PLCB1: variants seen among roughly 807,000 people sequenced by gnomAD.
PLCB1 encodes 1-phosphatidylinositol 4,5-bisphosphate phosphodiesterase beta-1.
PLCB1 carries 46 observed loss-of-function variants against 161.8 expected under a neutral mutation model. The ratio of observed to expected loss-of-function variants is 0.28; its 90% CI spans 0.22 to 0.36. The LOEUF is 0.36. Among genes scored for constraint, PLCB1 ranks in the 10% least tolerant of loss-of-function variants. The probability of loss-of-function intolerance (pLI) is 1.00; values close to 1 mark genes in which losing one functional copy is unlikely to be tolerated. For missense variants in PLCB1, 1,016 were observed against 1,472.5 expected (o/e 0.69, Z 5.07); for synonymous variants, 517 against 503.7 (o/e 1.03, Z -0.35).
At chr20:8,819,618 C>T (rs1210398242) in intron 31 of PLCB1, among the ~76,000 whole-genome samples, 1 of 152,130 alleles carries the variant, frequency 6.6e-6, no homozygotes, top group African/African-American at 2.4e-5. Context: ...TAGTGTTATA[C>T]ATCATCCTTT....
intron 26 of PLCB1, among the ~76,000 whole-genome samples, chr20:8,771,366 C>T (rs1982667630): frequency 6.6e-6 from 1 of 152,048 alleles, no homozygotes; most frequent in East Asian, 1.9e-4. Context: ...AAGGGAATCA[C>T]ATATGTGGTT....
intron 3 of PLCB1, among the ~76,000 whole-genome samples, chr20:8,574,207 A>G (rs1287808743): frequency 6.6e-6 from 1 of 152,180 alleles, no homozygotes; most frequent in African/African-American, 2.4e-5. Context: ...GTTCAAGACC[A>G]ACCAATATGG....
At chr20:8,493,076 A>G (rs1055511452) in intron 3 of PLCB1, among the ~76,000 whole-genome samples, 7 of 152,086 alleles carry the variant, frequency 4.6e-5, no homozygotes, top group East Asian at 1.9e-4. Context: ...GCACCTCTCA[A>G]TGGGGACCCC....
At chr20:8,168,009 G>T (rs529274007) in intron 2 of PLCB1, among the ~76,000 whole-genome samples, 11 of 152,204 alleles carry the variant, frequency 7.2e-5, no homozygotes, top group Admixed American at 7.2e-4. Context: ...AGGCTGACTT[G>T]TATCTGTCCC....
intron 23 of PLCB1, among the ~76,000 whole-genome samples, chr20:8,748,470 A>C (rs1343460756): frequency 1.3e-5 from 2 of 152,182 alleles, no homozygotes; most frequent in East Asian, 3.8e-4. Context: ...GCTTTTACGA[A>C]TATCCTCCAT....
At position 8,578,714 on chromosome 20, in the gene PLCB1, G is replaced by C. The variant is rs189993022; in HGVS notation, c.247-49580G>C. ...ATTTAGTGTTTGTCCATTACCATTCGGGGTCATTACAAAAGAACTCAGCCT... is the reference window on the plus strand; with the variant it reads ...ATTTAGTGTTTGTCCATTACCATTCCGGGTCATTACAAAAGAACTCAGCCT... On this transcript the variant is annotated intron_variant, in intron 3 of 31. Coordinates refer to ENST00000338037, the MANE Select transcript of PLCB1 (RefSeq NM_015192.4). Among the ~76,000 whole-genome samples, 682 of 152,226 alleles carry C rather than the reference G, an allele frequency of 4.5e-3. 6 individuals are homozygous for C. Among genetic ancestry groups the C allele is most frequent in the African/African-American group, 0.013 (550 of 41,534 alleles).
At chr20:8,604,970 C>T (rs977980281) in intron 3 of PLCB1, among the ~76,000 whole-genome samples, 13 of 151,488 alleles carry the variant, frequency 8.6e-5, no homozygotes, top group African/African-American at 2.2e-4. Context: ...TTTAAAAAAC[C>T]CTAATCCTAT....
chr20:8,253,439 T>C (rs922573739), intron 2 of PLCB1, among the ~76,000 whole-genome samples: 1 of 151,958 alleles, frequency 6.6e-6, no homozygotes, highest in Non-Finnish European at 1.5e-5. Flanking sequence ...GAGACTGACA[T>C]ATTTATCCTC....
At chr20:8,548,841 G>A (rs1985667466) in intron 3 of PLCB1, among the ~76,000 whole-genome samples, 2 of 152,134 alleles carry the variant, frequency 1.3e-5, no homozygotes, top group South Asian at 4.1e-4. Context: ...ATAAGTTAAA[G>A]TGCTTTACTG....
intron 3 of PLCB1, among the ~76,000 whole-genome samples, chr20:8,559,925 C>T (rs531424005): frequency 6.6e-6 from 1 of 152,014 alleles, no homozygotes; most frequent in South Asian, 2.1e-4. Context: ...TCCTTCCTAC[C>T]TTTCTTTCTT....
chr20:8,465,120 C>A (rs1022734791), intron 3 of PLCB1, among the ~76,000 whole-genome samples: 1 of 151,936 alleles, frequency 6.6e-6, no homozygotes, highest in Non-Finnish European at 1.5e-5. Context: ...TATTTGTGCT[C>A]TTCTTATTCA....
chr20:8,840,549 A>G (rs532945710), intron 31 of PLCB1, among the ~76,000 whole-genome samples: 5 of 152,306 alleles, frequency 3.3e-5, no homozygotes, highest in Non-Finnish European at 7.4e-5. Context: ...GGCTTGAGCA[A>G]ATGGTCTCAG....
intron 23 of PLCB1, among the ~76,000 whole-genome samples, chr20:8,742,895 C>T (rs1198321389): frequency 6.6e-6 from 1 of 152,124 alleles, no homozygotes; most frequent in African/African-American, 2.4e-5. Context: ...GATTTTTGTA[C>T]ACTGATTTTT....
At chr20:8,273,248 A>G (rs568932722) in intron 2 of PLCB1, among the ~76,000 whole-genome samples, 6 of 152,232 alleles carry the variant, frequency 3.9e-5, no homozygotes, top group African/African-American at 1.4e-4. Flanking sequence ...AGCCTACCAA[A>G]TCTTGCATGT....
At chr20:8,419,346 G>C (rs559779332) in intron 3 of PLCB1, among the ~76,000 whole-genome samples, 1 of 152,158 alleles carries the variant, frequency 6.6e-6, no homozygotes, top group African/African-American at 2.4e-5. Flanking sequence ...CACTAGCCGA[G>C]GACAGACCAA....
intron 10 of PLCB1, among the ~76,000 whole-genome samples, chr20:8,696,978 T>C (rs8117982): frequency 0.084 from 12,725 of 152,212 alleles, 663 homozygotes; most frequent in African/African-American, 0.14. Context: ...CGTGATCCGC[T>C]CGCCTCAGCC....
At chr20:8,744,826 C>T (rs1004998914) in intron 23 of PLCB1, among the ~76,000 whole-genome samples, 1 of 151,776 alleles carries the variant, frequency 6.6e-6, no homozygotes, top group Non-Finnish European at 1.5e-5. Context: ...GACATAAGGC[C>T]TTTGAGGTTG....
In PLCB1 at chr20:8,834,811, A is replaced by G. The variant is rs886788535; in HGVS notation, c.3423+44550A>G. Among the ~76,000 whole-genome samples the G allele has an allele frequency of 1.0e-3, 13 of 12,972 alleles. No individual in the cohort carries two copies. The East Asian group carries it at 0.054, about 53-fold the overall frequency. 8.5% of individuals were successfully genotyped at this position (12,972 alleles called of 152,430 possible). On this transcript the variant is annotated intron_variant, in intron 31 of 31. Coordinates refer to ENST00000338037, the MANE Select transcript of PLCB1 (RefSeq NM_015192.4). ...GCCTGGGCGATAGACTCTGCCTCAG[A>G]AAAAAAAAAAAAAAAAAAAAAAAAA...
chr20:8,541,039 G>A (rs373330575), intron 3 of PLCB1, among the ~76,000 whole-genome samples: 3 of 152,082 alleles, frequency 2.0e-5, no homozygotes, highest in Non-Finnish European at 4.4e-5. Context: ...CTCCGTTAAC[G>A]TTGAGAAGGG....
Sources: allele counts gnomAD v4.1 joint callset (sites outside exome capture counted in the v4.1 genomes callset), GRCh38; gene constraint gnomAD v4.1.1; transcripts MANE v1.5; gene names NCBI Gene and HGNC (gene_info 2026-07-23, HGNC 2026-07-21).